ESR2: variants seen among roughly 807,000 people sequenced by gnomAD.
ESR2 encodes estrogen receptor 2, also known as estrogen receptor beta.
In ESR2, 36 loss-of-function variants were observed where a neutral mutation model predicts 49.6. The ratio of observed to expected loss-of-function variants is 0.73; its 90% confidence interval spans 0.56 to 0.96. The LOEUF is 0.96. Among genes scored for constraint, ESR2 ranks in the 40% least tolerant of loss-of-function variants. The pLI, the probability that ESR2 is intolerant of heterozygous loss-of-function variation, is 0.00. For synonymous variants in ESR2, 320 were observed against 266.1 expected (o/e 1.20, Z -1.97); for missense variants, 714 against 693.0 (o/e 1.03, Z -0.34).
intron 3 of ESR2, among the ~76,000 whole-genome samples, chr14:64,270,413 ATTGT>A (rs2076417436): frequency 6.6e-6 from 1 of 152,186 alleles, no homozygotes; most frequent in Admixed American, 6.6e-5. Context: ...ATTCTATTTC[ATTGT>A]TTGAGCGCTG....
At chr14:64,304,874 TCAAACAAA>T (rs1024219644) in intron 1 of ESR2, among the ~76,000 whole-genome samples, 1 of 151,706 alleles carries the variant, frequency 6.6e-6, no homozygotes, top group Non-Finnish European at 1.5e-5. Context: ...AGACATTCTG[TCAAACAAA>T]CAAACAAACA....
rs1457342604 is a variant in ESR2 at position 64,279,990 on chromosome 14, T to G, written c.526A>C (p.Ser176Arg). The G allele has an allele frequency of 1.2e-6, 2 of 1,613,504 alleles. No individual in the cohort carries two copies. The highest frequency in any genetic ancestry group is 1.7e-6 in the Non-Finnish European group (2 of 1,179,492). Residue 176 changes from serine (S) to arginine (R), a missense_variant, in exon 3 of 9, where the codon AGC becomes CGC. By Grantham distance (110) the Ser-to-Arg change is moderately radical (BLOSUM62 -1). Transcript: ENST00000341099. The part of the protein sequence containing the change: ...CEGCKAFFKR[S>R]IQGHNDYICP... ...AACAATTCTCTTGTACCTTGAATGC[T>G]TCTTTTAAAAAAGGCCTTACATCCT... is the stretch of plus-strand genomic sequence containing the variant.
At chr14:64,325,464 C>G (rs766634449) in intron 1 of ESR2, among the ~76,000 whole-genome samples, 1 of 151,860 alleles carries the variant, frequency 6.6e-6, no homozygotes, top group Non-Finnish European at 1.5e-5. Flanking sequence ...GAGTTAGGCA[C>G]AGGAGAAAAA....
chr14:64,243,295 T>C (rs1596377821), intron 7 of ESR2, among the ~76,000 whole-genome samples: 1 of 152,186 alleles, frequency 6.6e-6, no homozygotes, highest in African/African-American at 2.4e-5. Context: ...CCCAAAACAA[T>C]TACAATAGTA....
chr14:64,324,962 C>A (rs1372328857), intron 1 of ESR2, among the ~76,000 whole-genome samples: 5 of 152,172 alleles, frequency 3.3e-5, no homozygotes, highest in African/African-American at 1.2e-4. Context: ...ATGTCACTAG[C>A]ATATTGAAAC....
At chr14:64,254,007 G>C (rs1315430072) in intron 6 of ESR2, among the ~76,000 whole-genome samples, 1 of 152,030 alleles carries the variant, frequency 6.6e-6, no homozygotes, top group Non-Finnish European at 1.5e-5. Flanking sequence ...TGAATTTAGT[G>C]GTTAGTAAAA....
chr14:64,258,504 C>A (rs2076150349), intron 5 of ESR2, among the ~76,000 whole-genome samples: 1 of 152,176 alleles, frequency 6.6e-6, no homozygotes, highest in Non-Finnish European at 1.5e-5. Context: ...CCCATTAAGT[C>A]TTTGTTTTTC....
chr14:64,298,658 T>C (rs760027859), upstream of ESR2, among the ~76,000 whole-genome samples: 7 of 152,138 alleles, frequency 4.6e-5, no homozygotes, highest in East Asian at 1.9e-4. Context: ...TGAGACAAGG[T>C]TGCTCTGACC....
At chr14:64,227,482 G>A, downstream of ESR2, 1 of 1,588,880 alleles carries the variant, frequency 6.3e-7, no homozygotes, top group South Asian at 1.1e-5. Flanking sequence ...GGAAACTGAA[G>A]TGAAAATGTT....
At chr14:64,254,376 G>C (rs1238623996) in intron 6 of ESR2, among the ~76,000 whole-genome samples, 1 of 152,096 alleles carries the variant, frequency 6.6e-6, no homozygotes, top group Non-Finnish European at 1.5e-5. Context: ...ATATTCATTT[G>C]TATAAGAGAG....
chr14:64,310,852 A>G (rs955583490), intron 1 of ESR2, among the ~76,000 whole-genome samples: 18 of 152,192 alleles, frequency 1.2e-4, no homozygotes, highest in African/African-American at 4.1e-4. Context: ...TGTATCCTTA[A>G]AAGTCCTTAT....
At chr14:64,324,860 A>T (rs757221099) in intron 1 of ESR2, among the ~76,000 whole-genome samples, 14 of 152,234 alleles carry the variant, frequency 9.2e-5, no homozygotes, top group Non-Finnish European at 1.6e-4. Context: ...CAATAGTAAG[A>T]CATTTTAGTT....
intron 6 of ESR2, among the ~76,000 whole-genome samples, chr14:64,254,073 A>G (rs1485889647): frequency 1.3e-5 from 2 of 152,180 alleles, no homozygotes; most frequent in Non-Finnish European, 2.9e-5. Flanking sequence ...TCTCATCCTC[A>G]GTAGACACAA....
intron 2 of ESR2, among the ~76,000 whole-genome samples, chr14:64,282,035 C>T (rs1186066515): frequency 6.6e-6 from 1 of 152,174 alleles, no homozygotes; most frequent in African/African-American, 2.4e-5. Flanking sequence ...ATCCAAATAA[C>T]TCCATTAAGA....
intron 3 of ESR2, among the ~76,000 whole-genome samples, chr14:64,274,529 G>C (rs934387466): frequency 1.3e-5 from 2 of 151,434 alleles, no homozygotes; most frequent in African/African-American, 4.9e-5. Flanking sequence ...AGATCTGTCA[G>C]GTTTATTTTC....
intron 6 of ESR2, among the ~76,000 whole-genome samples, chr14:64,254,160 T>C (rs370357806): frequency 9.2e-5 from 14 of 152,326 alleles, no homozygotes; most frequent in African/African-American, 3.4e-4. Context: ...AATGGGCAAC[T>C]GTTAGTTGTA....
chr14:64,282,707 G>A lies in ESR2; in HGVS notation c.279C>T (p.Arg93=), dbSNP rs908262252. ...GTTCCGCATACAGATGTGATAACTG[G>A]CGATGGACCACTAAAGGAGAAAGGT... ...PGHLSPLVVH[R]QLSHLYAEPQ... Residue 93 remains arginine (R), a synonymous_variant, in exon 2 of 9, where the codon CGC becomes CGT. Coordinates refer to ENST00000341099, the MANE Select transcript of ESR2 (RefSeq NM_001437.3). 2 of 1,614,160 alleles carry A rather than the reference G, an allele frequency of 1.2e-6. No homozygotes were observed. Among genetic ancestry groups the A allele is most frequent in the Non-Finnish European group, 1.7e-6 (2 of 1,179,990 alleles).
intron 1 of ESR2, among the ~76,000 whole-genome samples, chr14:64,305,152 G>A (rs977047636): frequency 1.5e-4 from 23 of 151,518 alleles, no homozygotes; most frequent in South Asian, 6.3e-4. Flanking sequence ...TTAGCCGGGC[G>A]TGGTGGCGGG....
At chr14:64,288,381 C>T (rs1030564941) in intron 1 of ESR2, among the ~76,000 whole-genome samples, 2 of 145,830 alleles carry the variant, frequency 1.4e-5, no homozygotes, top group African/African-American at 5.0e-5. Context: ...TGGAGTCTTG[C>T]TCTGTTGCCC....
Sources: allele counts gnomAD v4.1 joint callset (sites outside exome capture counted in the v4.1 genomes callset), GRCh38; gene constraint gnomAD v4.1.1; transcripts MANE v1.5; gene names NCBI Gene and HGNC (gene_info 2026-07-23, HGNC 2026-07-21).